The following NAV2 variants were observed in gnomAD, a reference collection of about 807,000 sequenced individuals.
NAV2 encodes the protein neuron navigator 2.
A neutral mutation model predicts 223.2 loss-of-function variants in NAV2; 54 were observed. The ratio of observed to expected loss-of-function variants is 0.24; its 90% confidence interval spans 0.19 to 0.30. The LOEUF is 0.30. Ranked by LOEUF, NAV2 falls within the 10% of genes least tolerant of loss-of-function variation. NAV2 has a pLI of 1.00. For missense variants in NAV2, 2,806 were observed against 3,147.5 expected (o/e 0.89, Z 2.60); for synonymous variants, 1,279 against 1,239.3 (o/e 1.03, Z -0.67).
At chr11:19,675,023 C>T (rs989264140) in intron 1 of NAV2, among the ~76,000 whole-genome samples, 1 of 152,090 alleles carries the variant, frequency 6.6e-6, no homozygotes, top group African/African-American at 2.4e-5. Context: ...TGCTTCTAAT[C>T]CGTCCCCCTC....
chr11:19,840,032 A>G (rs1301904754), intron 2 of NAV2, among the ~76,000 whole-genome samples: 1 of 152,256 alleles, frequency 6.6e-6, no homozygotes. Flanking sequence ...CAGAGCTGCT[A>G]TTAGCACTCT....
At chr11:20,109,528 T>C (rs6483644) in intron 36 of NAV2, among the ~76,000 whole-genome samples, 14,002 of 152,220 alleles carry the variant, frequency 0.092, 774 homozygotes, top group African/African-American at 0.15. Context: ...CATTCCTATT[T>C]TGGGACCAGT....
chr11:20,107,974 T>C (rs1026221589), intron 36 of NAV2, among the ~76,000 whole-genome samples, 192 bp downstream of exon 36: 12 of 152,182 alleles, frequency 7.9e-5, no homozygotes, highest in Admixed American at 5.2e-4. Flanking sequence ...CCCATTAGCA[T>C]TGTGACCCCA....
chr11:19,623,384 C>A (rs956458014), intron 1 of NAV2, among the ~76,000 whole-genome samples: 3 of 152,184 alleles, frequency 2.0e-5, no homozygotes, highest in African/African-American at 7.2e-5. Flanking sequence ...CCATTCTCCC[C>A]GTCACTTTCA....
At chr11:19,886,122 C>T (rs1329511836) in intron 5 of NAV2, among the ~76,000 whole-genome samples, 4 of 151,834 alleles carry the variant, frequency 2.6e-5, no homozygotes, top group African/African-American at 9.7e-5. Context: ...GGACTACAGG[C>T]ACATGCCTCC....
chr11:20,041,023 C>T (rs1312142107), intron 12 of NAV2, among the ~76,000 whole-genome samples: 1 of 152,098 alleles, frequency 6.6e-6, no homozygotes, highest in Non-Finnish European at 1.5e-5. Flanking sequence ...CATTCCCAGG[C>T]CAGGGGCATG....
intron 1 of NAV2, among the ~76,000 whole-genome samples, chr11:19,686,517 G>A (rs73426656): frequency 0.018 from 2,806 of 152,270 alleles, 97 homozygotes; most frequent in African/African-American, 0.064. Flanking sequence ...TCCTCAACCT[G>A]GGGATTCACC....
chr11:19,795,209 G>C (rs932672283), intron 1 of NAV2, among the ~76,000 whole-genome samples: 1 of 152,220 alleles, frequency 6.6e-6, no homozygotes, highest in Non-Finnish European at 1.5e-5. Flanking sequence ...AAAATGAGTT[G>C]TGAACATTCT....
chr11:19,778,238 T>C, intron 1 of NAV2: 1 of 415,398 alleles, frequency 2.4e-6, no homozygotes, highest in Admixed American at 3.1e-5. Flanking sequence ...TGTTTTTTTA[T>C]CGGATAGTTT....
chr11:19,513,311 G>T (rs992747764), intron 1 of NAV2, among the ~76,000 whole-genome samples: 1 of 152,200 alleles, frequency 6.6e-6, no homozygotes, highest in Non-Finnish European at 1.5e-5. Context: ...GTAGAATGTC[G>T]AATGACCCCA....
chr11:19,859,192 G>A lies in NAV2; in HGVS notation c.439-9733G>A, dbSNP rs574431770. Among the ~76,000 whole-genome samples, 764 of 132,092 alleles carry A rather than the reference G, an allele frequency of 5.8e-3. 9 individuals are homozygous for A. The highest frequency in any genetic ancestry group is 0.021 in the African/African-American group (737 of 35,014). The allele number at this position is 132,092 out of a possible 152,430, so 86.7% of individuals were successfully genotyped here. On this transcript the variant is annotated intron_variant, in intron 3 of 37. Transcript: ENST00000349880. The stretch of plus-strand genomic sequence containing the variant: ...ATTCTTGGGTGTTTCTCGCAGAGGG[G>A]GATTTGGCAGGGTCACAGGACAATA...
At chr11:19,972,002 C>A (rs2049294087) in intron 10 of NAV2, among the ~76,000 whole-genome samples, 1 of 152,144 alleles carries the variant, frequency 6.6e-6, no homozygotes, top group Non-Finnish European at 1.5e-5. Context: ...TGTGCCTGGC[C>A]CAAACTTTTT....
chr11:19,405,204 C>T (rs1262223585), intron 1 of NAV2, among the ~76,000 whole-genome samples: 2 of 152,194 alleles, frequency 1.3e-5, no homozygotes, highest in African/African-American at 4.8e-5. Flanking sequence ...CAGGCATATG[C>T]TCTGCCAAGT....
chr11:19,730,521 G>A (rs1309938973), intron 1 of NAV2, among the ~76,000 whole-genome samples: 2 of 152,252 alleles, frequency 1.3e-5, no homozygotes, highest in South Asian at 2.1e-4. Context: ...GGCAGGCAGT[G>A]CAGTGCTGGC....
At chr11:19,960,589 T>TTTA (rs3044345) in intron 10 of NAV2, among the ~76,000 whole-genome samples, 21 of 141,630 alleles carry the variant, frequency 1.5e-4, no homozygotes, top group Non-Finnish European at 3.1e-4. Flanking sequence ...TTTTTTAAAA[T>TTTA]TTTATTTATT....
intron 8 of NAV2, among the ~76,000 whole-genome samples, chr11:19,944,251 A>G (rs1021053742): frequency 6.6e-6 from 1 of 152,064 alleles, no homozygotes; most frequent in African/African-American, 2.4e-5. Context: ...GCAAAACAAG[A>G]CTGCACTGTG....
chr11:19,696,198 C>T (rs2049335526), intron 1 of NAV2, among the ~76,000 whole-genome samples: 2 of 152,170 alleles, frequency 1.3e-5, no homozygotes, highest in Admixed American at 6.5e-5. Flanking sequence ...ACTGGCTTGC[C>T]ACCAACGCCA....
chr11:19,754,361 T>G (rs1253542858), intron 1 of NAV2, among the ~76,000 whole-genome samples: 2 of 152,144 alleles, frequency 1.3e-5, no homozygotes, highest in Non-Finnish European at 2.9e-5. Context: ...AGATCATCCT[T>G]TCTGGCTGGG....
At chr11:19,496,951 T>C (rs2729892) in intron 1 of NAV2, among the ~76,000 whole-genome samples, 2,029 of 152,314 alleles carry the variant, frequency 0.013, 40 homozygotes, top group African/African-American at 0.047. Flanking sequence ...GGGGTTACCC[T>C]GGACTTTTAC....
Sources: allele counts gnomAD v4.1 joint callset (sites outside exome capture counted in the v4.1 genomes callset), GRCh38; gene constraint gnomAD v4.1.1; transcripts MANE v1.5; gene names NCBI Gene and HGNC (gene_info 2026-07-23, HGNC 2026-07-21).